The following NUP210 variants were observed in gnomAD, a reference collection of about 807,000 sequenced individuals.
NUP210 encodes nuclear pore membrane glycoprotein 210.
A neutral mutation model predicts 196.0 loss-of-function variants in NUP210; 151 were observed. The observed-to-expected ratio is 0.77, with a 90% confidence interval of 0.67 to 0.88. The LOEUF (loss-of-function observed/expected upper bound fraction) is 0.88. Ranked by LOEUF, NUP210 falls within the 40% of genes least tolerant of loss-of-function variation. The pLI, the probability that NUP210 is intolerant of heterozygous loss-of-function variation, is 0.00. For synonymous variants in NUP210, 1,070 were observed against 1,052.7 expected (o/e 1.02, Z -0.32); for missense variants, 2,314 against 2,493.7 (o/e 0.93, Z 1.53).
rs746972286 is a variant in NUP210 at position 13,371,823 on chromosome 3, C to T, written c.1786+11G>A. 28 of 1,598,200 alleles carry T rather than the reference C, an allele frequency of 1.8e-5. No homozygotes were observed. The highest frequency in any genetic ancestry group is 1.7e-4 in the Middle Eastern group (1 of 6,058). On this transcript the variant is annotated intron_variant, in intron 13 of 39. Transcript: ENST00000254508. ...CCAGTATCTGGCACCTGCTCAGCAG[C>T]GCTGGTTTACCTGGGAGTGGCTGGA... is the stretch of plus-strand genomic sequence containing the variant.
chr3:13,362,735 G>C (rs1451536591), intron 14 of NUP210, among the ~76,000 whole-genome samples: 3 of 151,972 alleles, frequency 2.0e-5, no homozygotes, highest in Non-Finnish European at 4.4e-5. Context: ...CCCCGGACTC[G>C]ACCTTCAACA....
Position 13,388,920 on chromosome 3 carries a change from C to T in NUP210, c.534-467G>A, listed in dbSNP as rs1699378590. ...CGCCCAGCTCTGGGGAACGATTCTC[C>T]ATGACTGGTCCCCTAGCCCTGGGCA... On this transcript the variant is annotated intron_variant, in intron 4 of 39. Transcript: ENST00000254508. Among the ~76,000 whole-genome samples, 2 of 152,360 alleles carry T rather than the reference C, an allele frequency of 1.3e-5. 1 individual carries two copies. Among genetic ancestry groups the T allele is most frequent in the Admixed American group, 1.3e-4 (2 of 15,310 alleles).
At chr3:13,329,167 CTA>C (rs1169473252) in intron 30 of NUP210, among the ~76,000 whole-genome samples, 4 of 152,196 alleles carry the variant, frequency 2.6e-5, no homozygotes, top group Non-Finnish European at 5.9e-5. Context: ...ACTGGCCTCT[CTA>C]TGAGAAAACC....
intron 13 of NUP210, among the ~76,000 whole-genome samples, chr3:13,368,850 T>C (rs1003417275): frequency 6.6e-6 from 1 of 152,244 alleles, no homozygotes; most frequent in African/African-American, 2.4e-5. Flanking sequence ...ACCTGGGTTA[T>C]TTCCACCTTT....
chr3:13,324,109 G>A (rs949112325), intron 33 of NUP210, among the ~76,000 whole-genome samples: 1 of 152,142 alleles, frequency 6.6e-6, no homozygotes, highest in Non-Finnish European at 1.5e-5. Flanking sequence ...AGCTGTAGGT[G>A]ACCAGGCATC....
chr3:13,328,959 A>G lies in NUP210; in HGVS notation c.4111-13T>C, dbSNP rs1355276510. ...AAACAGGGGATACCTAAGGGACAACATACAGGTATGATGAGGATTCAGTGC... is the reference window on the plus strand; with the variant it reads ...AAACAGGGGATACCTAAGGGACAACGTACAGGTATGATGAGGATTCAGTGC... On this transcript the variant is annotated splice_polypyrimidine_tract_variant and intron_variant, in intron 30 of 39. Coordinates refer to ENST00000254508, the MANE Select transcript of NUP210 (RefSeq NM_024923.4). 1.2e-6 allele frequency: 2 copies of G among 1,612,246 alleles called. No homozygotes were observed. The highest frequency in any genetic ancestry group is 3.3e-5 in the Admixed American group (2 of 59,978).
intron 30 of NUP210, among the ~76,000 whole-genome samples, chr3:13,330,226 C>T (rs1696939261): frequency 6.6e-6 from 1 of 152,214 alleles, no homozygotes; most frequent in Non-Finnish European, 1.5e-5. Context: ...TGCTGGGCCT[C>T]ATCTATGAAA....
chr3:13,377,602 G>A, intron 8 of NUP210, 40 bp from the exon 9 acceptor site: 3 of 1,501,970 alleles, frequency 2.0e-6, no homozygotes, highest in Non-Finnish European at 2.8e-6. Context: ...CAGGCCTCAG[G>A]GGCAGCAGGG....
intron 27 of NUP210, 98 bp from the exon 28 acceptor site, chr3:13,335,710 C>T (rs561303612): frequency 7.4e-6 from 10 of 1,356,194 alleles, no homozygotes; most frequent in East Asian, 2.4e-5. Flanking sequence ...CCCAGCCCCC[C>T]AGTCCTGGTA....
Position 13,328,874 on chromosome 3 carries a change from C to A in NUP210, c.4183G>T (p.Ala1395Ser). Residue 1395 changes from alanine to serine, a missense_variant, in exon 31 of 40, where the codon GCC becomes TCC. Coordinates refer to ENST00000254508, the MANE Select transcript of NUP210 (RefSeq NM_024923.4). ...LHTQNKEALV[A>S]VPLGMTVTFT... is the part of the protein sequence containing the mutation. ...GTCACGGTCATTCCCAAAGGCACGGCCACCAGGGCCTCCTTGTTCTGGGTG... is the reference window on the plus strand; with the variant it reads ...GTCACGGTCATTCCCAAAGGCACGGACACCAGGGCCTCCTTGTTCTGGGTG... 6.2e-7 allele frequency: 1 copy of A among 1,614,140 alleles called. No homozygotes were observed. Among genetic ancestry groups the A allele is most frequent in the Non-Finnish European group, 8.5e-7 (1 of 1,179,998 alleles).
rs74681769 is a variant in NUP210, at chr3:13,371,994, C to T, written c.1626G>A (p.Pro542=). Residue 542 remains proline, a synonymous_variant, in exon 13 of 40, where the codon CCG becomes CCA. Coordinates refer to ENST00000254508, the MANE Select transcript of NUP210 (RefSeq NM_024923.4). ...GGCCCACACGTGCCTCCACCTGGCA[C>T]GGGGCAAACTCCATGCTGTGGGGCT... ...VIEPHSMEFA[P]CQVEARVGQA... is the part of the protein sequence containing the mutation. The T allele has an allele frequency of 6.7e-5, 107 of 1,596,254 alleles. No homozygotes were observed. The highest frequency in any genetic ancestry group is 1.7e-4 in the Middle Eastern group (1 of 6,026).
rs575812827 is a variant in NUP210 at position 13,340,739 on chromosome 3, G to A, written c.3229-441C>T. ...GGTGGCCCCACAGGACAGCCCTGCCGATATGGGAGCACCCAGACCCCCAGA... is the reference window on the plus strand; with the variant it reads ...GGTGGCCCCACAGGACAGCCCTGCCAATATGGGAGCACCCAGACCCCCAGA... On this transcript the variant is annotated intron_variant, in intron 23 of 39. Transcript: ENST00000254508. The surrounding 1 kb of genome is among the most constrained non-coding windows in gnomAD (Gnocchi z 4.0). Among the ~76,000 whole-genome samples the A allele has an allele frequency of 5.3e-5, 8 of 152,160 alleles. No individual in the cohort carries two copies. The highest frequency in any genetic ancestry group is 1.9e-4 in the East Asian group (1 of 5,152).
intron 21 of NUP210, 78 bp from the exon 22 acceptor site, chr3:13,342,201 G>C: frequency 6.4e-7 from 1 of 1,560,586 alleles, no homozygotes; most frequent in Non-Finnish European, 8.7e-7. Context: ...GTGACTTTCT[G>C]AGATAGCATC....
intron 30 of NUP210, among the ~76,000 whole-genome samples, chr3:13,329,428 C>T (rs1192554292): frequency 6.6e-6 from 1 of 152,202 alleles, no homozygotes; most frequent in African/African-American, 2.4e-5. Flanking sequence ...AAACAGCAGC[C>T]CTTGTTTCTC....
chr3:13,352,825 C>T (rs1249500303), intron 18 of NUP210, among the ~76,000 whole-genome samples: 3 of 151,848 alleles, frequency 2.0e-5, no homozygotes, highest in Non-Finnish European at 4.4e-5. Context: ...GGAAGGTGTG[C>T]ATTGTGGGTG....
chr3:13,417,444 T>C (rs1430595619), intron 1 of NUP210, among the ~76,000 whole-genome samples: 1 of 152,242 alleles, frequency 6.6e-6, no homozygotes, highest in Non-Finnish European at 1.5e-5. Flanking sequence ...CCACAGGGTC[T>C]GGCAGAATTC....
chr3:13,377,382 G>T, intron 9 of NUP210, 74 bp downstream of exon 9: 1 of 1,061,200 alleles, frequency 9.4e-7, no homozygotes, highest in Non-Finnish European at 1.4e-6. Context: ...TTGCTTTGGG[G>T]GCTGCTCTTC....
At chr3:13,345,445 C>T (rs1697684118) in intron 20 of NUP210, among the ~76,000 whole-genome samples, 1 of 152,196 alleles carries the variant, frequency 6.6e-6, no homozygotes, top group Non-Finnish European at 1.5e-5. Flanking sequence ...GGCTGGAGGC[C>T]TCCTGCAGCC....
At chr3:13,373,414 A>G (rs1246009235) in intron 12 of NUP210, among the ~76,000 whole-genome samples, 3 of 152,228 alleles carry the variant, frequency 2.0e-5, no homozygotes, top group Non-Finnish European at 4.4e-5. Context: ...TGGACCTTCC[A>G]AATGGAGATT....
Sources: allele counts gnomAD v4.1 joint callset (sites outside exome capture counted in the v4.1 genomes callset), GRCh38; gene constraint gnomAD v4.1.1; non-coding constraint Gnocchi (gnomAD v3.1); transcripts MANE v1.5; gene names NCBI Gene and HGNC (gene_info 2026-07-23, HGNC 2026-07-21).